The following OSBP2 variants were observed in gnomAD, a reference collection of about 807,000 sequenced individuals.
OSBP2 encodes oxysterol binding protein 2.
In OSBP2, 66 loss-of-function variants were observed where a neutral mutation model predicts 96.0. The observed-to-expected ratio is 0.69, with a 90% CI of 0.56 to 0.84. OSBP2 has a LOEUF of 0.84. OSBP2 is among the 40% of genes least tolerant of loss of function. OSBP2 has a pLI of 0.00. For missense variants in OSBP2, 1,038 were observed against 1,222.7 expected (o/e 0.85, Z 2.25); for synonymous variants, 525 against 520.9 (o/e 1.01, Z -0.11).
At chr22:30,857,625 T>C (rs1159118494) in intron 2 of OSBP2, among the ~76,000 whole-genome samples, 2 of 152,258 alleles carry the variant, frequency 1.3e-5, no homozygotes. Context: ...GCTTGTAGCC[T>C]CCTCATTGCG....
chr22:30,815,022 C>T (rs1879315887), intron 2 of OSBP2, among the ~76,000 whole-genome samples: 1 of 152,148 alleles, frequency 6.6e-6, no homozygotes, highest in Non-Finnish European at 1.5e-5. Context: ...TGGCTCACAC[C>T]TGTAATCCCA....
intron 2 of OSBP2, among the ~76,000 whole-genome samples, chr22:30,812,311 G>A (rs1019535368): frequency 3.9e-5 from 6 of 152,058 alleles, no homozygotes; most frequent in South Asian, 4.2e-4. Flanking sequence ...GACTACAGGC[G>A]CGCACCACCA....
chr22:30,710,967 C>T (rs2089336594), intron 1 of OSBP2, among the ~76,000 whole-genome samples: 1 of 152,142 alleles, frequency 6.6e-6, no homozygotes, highest in Admixed American at 6.5e-5. Context: ...TGGTCTCGAA[C>T]TCCTTGACCT....
At chr22:30,786,990 C>T (rs1188916490) in intron 2 of OSBP2, among the ~76,000 whole-genome samples, 2 of 151,958 alleles carry the variant, frequency 1.3e-5, no homozygotes, top group Admixed American at 1.3e-4. Context: ...AGTAGAGACA[C>T]GGTTTCACTG....
At chr22:30,857,983 C>G (rs1012497202) in intron 2 of OSBP2, among the ~76,000 whole-genome samples, 2 of 152,172 alleles carry the variant, frequency 1.3e-5, no homozygotes, top group Non-Finnish European at 2.9e-5. Flanking sequence ...ACACTGCAGA[C>G]AGAAGAGGCG....
At chr22:30,829,253 T>A (rs2038470234) in intron 2 of OSBP2, among the ~76,000 whole-genome samples, 1 of 152,210 alleles carries the variant, frequency 6.6e-6, no homozygotes, top group Non-Finnish European at 1.5e-5. Flanking sequence ...TAGAAAAGGA[T>A]GCCTCTTCCT....
At chr22:30,728,721 A>G (rs983586126) in intron 1 of OSBP2, among the ~76,000 whole-genome samples, 15 of 152,158 alleles carry the variant, frequency 9.9e-5, no homozygotes, top group Non-Finnish European at 1.5e-4. Flanking sequence ...GGTCTCGAAC[A>G]TCTAACTTCA....
At chr22:30,875,417 G>T (rs1276918458) in intron 3 of OSBP2, among the ~76,000 whole-genome samples, 1 of 151,776 alleles carries the variant, frequency 6.6e-6, no homozygotes, top group African/African-American at 2.4e-5. Context: ...TTGTTGCCCA[G>T]GCTGGAGTGC....
chr22:30,813,057 G>GT (rs2091030636), intron 2 of OSBP2, among the ~76,000 whole-genome samples: 1 of 150,346 alleles, frequency 6.7e-6, no homozygotes, highest in Admixed American at 6.7e-5. Context: ...TCTTTTCACT[G>GT]TTTTTGTGGT....
intron 3 of OSBP2, among the ~76,000 whole-genome samples, chr22:30,884,941 C>A (rs1490400387): frequency 2.0e-5 from 3 of 152,222 alleles, no homozygotes; most frequent in Non-Finnish European, 2.9e-5. Context: ...GACTGAGGGG[C>A]AGGCCGTTGC....
At chr22:30,862,453 G>A (rs1274425954) in intron 2 of OSBP2, among the ~76,000 whole-genome samples, 1 of 152,232 alleles carries the variant, frequency 6.6e-6, no homozygotes, top group Non-Finnish European at 1.5e-5. Flanking sequence ...GGTGAGGCAG[G>A]CAGATCGCCT....
chr22:30,758,748 ACC>A (rs1218818719), intron 2 of OSBP2, among the ~76,000 whole-genome samples: 2 of 151,374 alleles, frequency 1.3e-5, no homozygotes, highest in Admixed American at 1.3e-4. Context: ...AAGTGAGGGA[ACC>A]CCTGTTCCAT....
intron 1 of OSBP2, among the ~76,000 whole-genome samples, chr22:30,722,222 C>T (rs2089563007): frequency 6.6e-6 from 1 of 152,202 alleles, no homozygotes; most frequent in Non-Finnish European, 1.5e-5. Flanking sequence ...TTCAGTGCTG[C>T]TGTTTGTCAT....
upstream of OSBP2, among the ~76,000 whole-genome samples, chr22:30,694,634 A>C (rs76708545): frequency 1 from 151,480 of 151,494 alleles, 75,733 homozygotes; most frequent in Middle Eastern, 1. Context: ...TCCCCTTCGG[A>C]GTTGACCGAC....
At chr22:30,711,813 T>A (rs1247975917) in intron 1 of OSBP2, among the ~76,000 whole-genome samples, 1 of 151,962 alleles carries the variant, frequency 6.6e-6, no homozygotes, top group African/African-American at 2.4e-5. Context: ...CTGTGTTTCA[T>A]CTCCTTGCTG....
At chr22:30,786,111 C>T (rs1274058327) in intron 2 of OSBP2, among the ~76,000 whole-genome samples, 1 of 152,064 alleles carries the variant, frequency 6.6e-6, no homozygotes, top group Non-Finnish European at 1.5e-5. Flanking sequence ...GCAACCTCCA[C>T]CTTCCAGGTT....
rs1049319991 is a variant in OSBP2 at position 30,837,333 on chromosome 22, T to TG, written c.854-33091dup. Among the ~76,000 whole-genome samples, 4 of 151,884 alleles carry TG rather than the reference T, an allele frequency of 2.6e-5. No homozygotes were observed. In the East Asian group the frequency reaches 7.7e-4, roughly 29 times the overall value. ...ACCTTGGCTTCCTTTTCTGTTCCAC[T>TG]GGGGGTAGAGAAGTGGTTATTTGTG... On this transcript the variant is annotated intron_variant, in intron 2 of 13. Transcript: ENST00000332585.
chr22:30,885,085 C>T (rs1023791701), intron 3 of OSBP2, among the ~76,000 whole-genome samples: 10 of 152,150 alleles, frequency 6.6e-5, no homozygotes, highest in Non-Finnish European at 1.0e-4. Flanking sequence ...CCCTGCCTGC[C>T]ACATCACCTC....
upstream of OSBP2, among the ~76,000 whole-genome samples, chr22:30,694,519 G>T (rs534465362): frequency 5.3e-5 from 8 of 152,288 alleles, no homozygotes; most frequent in South Asian, 1.2e-3. Context: ...GCAGGGTCCC[G>T]TGGGCAGAGC....
Sources: gnomAD v4.1 joint callset for allele counts (sites outside exome capture counted in the v4.1 genomes callset) on GRCh38, gnomAD v4.1.1 for gene constraint, MANE v1.5 for transcripts, NCBI Gene and HGNC (gene_info 2026-07-23, HGNC 2026-07-21) for gene names.